Variants in NUDT22 observed in about 807,000 individuals in gnomAD.
NUDT22 encodes nudix hydrolase 22, also known as uridine diphosphate glucose pyrophosphatase NUDT22.
A neutral mutation model predicts 28.8 loss-of-function variants in NUDT22; 23 were observed. The ratio of observed to expected loss-of-function variants is 0.80; its 90% CI spans 0.58 to 1.13. The LOEUF (loss-of-function observed/expected upper bound fraction) is 1.13, where lower values mean the gene tolerates loss of function less well. Among genes scored for constraint, NUDT22 ranks in the 50% most tolerant of loss-of-function variants. The pLI, the probability that NUDT22 is intolerant of heterozygous loss-of-function variation, is 0.00. For synonymous variants in NUDT22, 175 were observed against 173.7 expected (o/e 1.01, Z -0.06); for missense variants, 358 against 387.3 (o/e 0.92, Z 0.64).
chr11:64,229,277 C>G lies in NUDT22; in HGVS notation c.610C>G (p.Pro204Ala). ...VNLPLLTLSQ[P>A]LLLGIARNET... ...CCTGCCGCTGCTCACCCTGAGCCAG[C>G]CCCTGCTGTTGGGCATCGCCCGAAA... The change falls in exon 4 of 6, where the codon CCC (proline) becomes GCC (alanine). Residue 204 changes from proline (P) to alanine (A), a missense_variant. Pro to Ala is a conservative substitution (Grantham distance 27). Coordinates refer to ENST00000279206, the MANE Select transcript of NUDT22 (RefSeq NM_032344.4). 1 of 1,593,862 alleles carries G rather than the reference C, an allele frequency of 6.3e-7. No individual in the cohort carries two copies.
Position 64,227,062 on chromosome 11 carries a change from T to A in NUDT22, c.410T>A (p.Leu137Gln). ...LATADDFLVF[L>Q]RRSRQVAEAP... ...ACAGCCGATGACTTCCTTGTCTTCC[T>A]GCGCCGCTCCCGGCAGGTGGCTGAG... The change falls in exon 2 of 6, where the codon CTG becomes CAG. Residue 137 changes from leucine to glutamine, a missense_variant. Coordinates refer to ENST00000279206, the MANE Select transcript of NUDT22 (RefSeq NM_032344.4). 1 of 1,602,786 alleles carries A rather than the reference T, an allele frequency of 6.2e-7. No homozygotes were observed.
chr11:64,229,489 C>T lies in NUDT22; in HGVS notation c.689C>T (p.Thr230Ile). The change falls in exon 5 of 6, where the codon ACT (threonine) becomes ATT (isoleucine). Residue 230 changes from threonine to isoleucine, a missense_variant. By Grantham distance (89) the Thr-to-Ile change is moderately conservative (BLOSUM62 -1). Coordinates refer to ENST00000279206, the MANE Select transcript of NUDT22 (RefSeq NM_032344.4). ...SAEFYVQCSL[T>I]SEQVRKHYLS... Reference sequence around the variant, plus strand: ...GTGTTCTTGTCCAGGTGCAGCCTGACTTCTGAGCAGGTGAGGAAGCACTAC... The same window carrying T: ...GTGTTCTTGTCCAGGTGCAGCCTGATTTCTGAGCAGGTGAGGAAGCACTAC... The T allele has an allele frequency of 6.2e-7, 1 of 1,614,172 alleles. No individual in the cohort carries two copies. The highest frequency in any genetic ancestry group is 8.5e-7 in the Non-Finnish European group (1 of 1,180,004).
intron 3 of NUDT22, 56 bp from the exon 4 acceptor site, chr11:64,229,191 A>G: frequency 2.4e-6 from 3 of 1,232,236 alleles, no homozygotes; most frequent in Non-Finnish European, 2.3e-6. Flanking sequence ...ACGGGCAGGG[A>G]TGTGGGCAGT....
At chr11:64,230,172 G>A (rs577457546), downstream of NUDT22, 60 of 770,804 alleles carry the variant, frequency 7.8e-5, no homozygotes, top group African/African-American at 9.1e-4. Context: ...CCCTTTCTTT[G>A]CTGGCTCCAG....
chr11:64,226,693 G>T lies in NUDT22; in HGVS notation c.41G>T (p.Gly14Val), dbSNP rs375211960. The T allele has an allele frequency of 1.1e-5, 17 of 1,608,564 alleles. No individual in the cohort carries two copies. The African/African-American group carries it at 2.3e-4, about 21-fold the overall frequency. The stretch of plus-strand genomic sequence containing the variant: ...ACCTTGCTGCTGCAGTGCCCTGGCG[G>T]GGGCCTGCCCCAGGAGCAGATACAG... ...EVTLLLQCPG[G>V]GLPQEQIQAE... Residue 14 changes from glycine to valine, a missense_variant, in exon 2 of 6, where the codon GGG becomes GTG. By Grantham distance (109) the Gly-to-Val change is moderately radical. Transcript: ENST00000279206.
At chr11:64,226,565 G>C in intron 1 of NUDT22, 70 bp from the exon 2 acceptor site, 5 of 1,504,280 alleles carry the variant, frequency 3.3e-6, no homozygotes, top group Non-Finnish European at 4.4e-6. Flanking sequence ...GCGACAGAGG[G>C]GGCTAGCTGC....
rs781170139 is a variant in NUDT22 at position 64,226,731 on chromosome 11, CCCG to C, written c.82_84del (p.Ala28del). The C allele has an allele frequency of 1.9e-6, 3 of 1,610,438 alleles. No homozygotes were observed. Among genetic ancestry groups the C allele is most frequent in the Non-Finnish European group, 2.5e-6 (3 of 1,179,926 alleles). On this transcript the variant is annotated inframe_deletion, in exon 2 of 6. Coordinates refer to ENST00000279206, the MANE Select transcript of NUDT22 (RefSeq NM_032344.4). The stretch of plus-strand genomic sequence containing the variant: ...GGAGCAGATACAGGCCGAGCTGAGC[CCCG>C]CCCATGACCGTCGCCCACTGCCAGG...
Position 64,227,067 on chromosome 11 carries a change from C to G in NUDT22, c.415C>G (p.Arg139Gly). The G allele has an allele frequency of 6.2e-7, 1 of 1,601,944 alleles. No homozygotes were observed. The highest frequency in any genetic ancestry group is 8.5e-7 in the Non-Finnish European group (1 of 1,178,418). Residue 139 changes from arginine to glycine, a missense_variant, in exon 2 of 6, where the codon CGC becomes GGC. Arg to Gly is a moderately radical substitution (Grantham distance 125, BLOSUM62 -2). Transcript: ENST00000279206. ...TADDFLVFLR[R>G]SRQVAEAPGL... ...CGATGACTTCCTTGTCTTCCTGCGC[C>G]GCTCCCGGCAGGTGGCTGAGGCCCC...
intron 1 of NUDT22, 100 bp from the exon 2 acceptor site, chr11:64,226,535 C>T: frequency 6.7e-7 from 1 of 1,491,266 alleles, no homozygotes; most frequent in South Asian, 1.4e-5. Flanking sequence ...AGAAGCGCTG[C>T]GGATACCCTC....
At chr11:64,229,814 A>G in intron 5 of NUDT22, 36 bp from the exon 6 acceptor site, 1 of 1,612,172 alleles carries the variant, frequency 6.2e-7, no homozygotes, top group Non-Finnish European at 8.5e-7. Context: ...GAGAAGTGGC[A>G]AGCTTGAATG....
downstream of NUDT22, chr11:64,230,078 A>T: frequency 3.6e-6 from 4 of 1,097,500 alleles, no homozygotes; most frequent in Non-Finnish European, 5.4e-6. Context: ...TGTGTAAGGC[A>T]GGACAAGTGA....
At chr11:64,230,223 G>T, downstream of NUDT22, 1 of 671,168 alleles carries the variant, frequency 1.5e-6, no homozygotes, top group Non-Finnish European at 2.7e-6. Context: ...GATATACCTC[G>T]CTGCAGAGGG....
In NUDT22 at chr11:64,226,747, G is replaced by T; in HGVS notation, c.95G>T (p.Arg32Leu). 4 of 1,610,300 alleles carry T rather than the reference G, an allele frequency of 2.5e-6. No homozygotes were observed. The highest frequency in any genetic ancestry group is 2.5e-6 in the Non-Finnish European group (3 of 1,179,944). ...QAELSPAHDR[R>L]PLPGGDEAIT... ...GAGCTGAGCCCCGCCCATGACCGTC[G>T]CCCACTGCCAGGTGGGGACGAGGCC... The change falls in exon 2 of 6, where the codon CGC becomes CTC. Residue 32 changes from arginine (R) to leucine (L), a missense_variant. Physicochemically the swap from Arg to Leu is moderately radical, Grantham distance 102. Transcript: ENST00000279206.
intron 3 of NUDT22, 33 bp downstream of exon 3, chr11:64,227,699 C>G (rs759974660): frequency 6.4e-7 from 1 of 1,559,992 alleles, no homozygotes; most frequent in Non-Finnish European, 8.8e-7. Flanking sequence ...GGGTGGTAGA[C>G]ATGAAGGGAG....
At position 64,229,357 on chromosome 11, in the gene NUDT22, G is replaced by A. The variant is rs763565257; in HGVS notation, c.677+13G>A. ...AGTTCTATGTCCAGTGAGTAGGCTC[G>A]GGTACATGATCCTGGGTCTTGGGAA... On this transcript the variant is annotated intron_variant, in intron 4 of 5. Coordinates refer to ENST00000279206, the MANE Select transcript of NUDT22 (RefSeq NM_032344.4). The A allele has an allele frequency of 7.4e-6, 12 of 1,612,486 alleles. No individual in the cohort carries two copies. The highest frequency in any genetic ancestry group is 5.3e-5 in the African/African-American group (4 of 74,902).
chr11:64,229,737 A>C (rs1947140112), intron 5 of NUDT22, 113 bp from the exon 6 acceptor site: 3 of 1,449,358 alleles, frequency 2.1e-6, no homozygotes, highest in Non-Finnish European at 2.9e-6. Flanking sequence ...TCAGCCCCTT[A>C]ACATGCCTCC....
At chr11:64,227,971 G>T in intron 3 of NUDT22, 1 of 296,480 alleles carries the variant, frequency 3.4e-6, no homozygotes. Flanking sequence ...CCGGGTTCAC[G>T]CCATTCTCCT....
rs1161398014 is a variant in NUDT22, at chr11:64,229,582, A to T, written c.771+11A>T. 3.7e-6 allele frequency: 6 copies of T among 1,612,700 alleles called. No homozygotes were observed. In the South Asian group the frequency reaches 4.4e-5, roughly 12 times the overall value. On this transcript the variant is annotated intron_variant, in intron 5 of 5. Coordinates refer to ENST00000279206, the MANE Select transcript of NUDT22 (RefSeq NM_032344.4). ...TTTGTGGAGACACAGGTGCAGAGTG[A>T]CAAACCATCTTGCTTGGAGGCCAGG...
At position 64,227,046 on chromosome 11, in the gene NUDT22, G is replaced by T; in HGVS notation, c.394G>T (p.Asp132Tyr). 1 of 1,603,992 alleles carries T rather than the reference G, an allele frequency of 6.2e-7. No homozygotes were observed. ...GGGCGCTGCACTAGCCACAGCCGAT[G>T]ACTTCCTTGTCTTCCTGCGCCGCTC... ...GVGAALATAD[D>Y]FLVFLRRSRQ... The change falls in exon 2 of 6, where the codon GAC becomes TAC. Residue 132 changes from aspartate to tyrosine, a missense_variant. By Grantham distance (160) the Asp-to-Tyr change is radical. Transcript: ENST00000279206.
Sources: gnomAD v4.1 joint callset for allele counts on GRCh38, gnomAD v4.1.1 for gene constraint, MANE v1.5 for transcripts, NCBI Gene and HGNC (gene_info 2026-07-23, HGNC 2026-07-21) for gene names.